MACROH2A1: variants seen among roughly 807,000 people sequenced by gnomAD.
MACROH2A1 encodes core histone macro-H2A.1.
MACROH2A1 carries 2 observed loss-of-function variants against 31.6 expected under a neutral mutation model. That is an observed-to-expected ratio of 0.06 (90% CI 0.03 to 0.20). The LOEUF is 0.20. Among genes scored for constraint, MACROH2A1 ranks in the 10% least tolerant of loss-of-function variants. MACROH2A1 has a pLI of 1.00. For missense variants in MACROH2A1, 230 were observed against 474.0 expected (o/e 0.49, Z 4.78); for synonymous variants, 169 against 189.6 (o/e 0.89, Z 0.89).
At chr5:135,353,140 A>G (rs1184103551) in intron 5 of MACROH2A1, 95 bp from the exon 6 acceptor site, 36 of 786,930 alleles carry the variant, frequency 4.6e-5, no homozygotes, top group Non-Finnish European at 7.9e-5. Context: ...TGGACACTCC[A>G]AGTGCACGAG....
At chr5:135,361,421 C>G (rs576735680) in intron 4 of MACROH2A1, 6 of 151,936 alleles carry the variant, frequency 3.9e-5, no homozygotes, top group African/African-American at 1.5e-4. Context: ...ATATGGCACA[C>G]CACTGTGGGA....
chr5:135,341,520 A>G (rs1231715336), intron 8 of MACROH2A1, among the ~76,000 whole-genome samples: 1 of 152,228 alleles, frequency 6.6e-6, no homozygotes, highest in Non-Finnish European at 1.5e-5. Flanking sequence ...AGAGCCTGGT[A>G]CTGGTGGGTC....
chr5:135,387,618 T>A (rs935999629), intron 2 of MACROH2A1, among the ~76,000 whole-genome samples: 2 of 152,132 alleles, frequency 1.3e-5, no homozygotes, highest in African/African-American at 4.8e-5. Flanking sequence ...AGTGAAAGCA[T>A]TACGACAGGA....
At chr5:135,373,633 A>G (rs1764476906) in intron 2 of MACROH2A1, among the ~76,000 whole-genome samples, 1 of 152,182 alleles carries the variant, frequency 6.6e-6, no homozygotes, top group South Asian at 2.1e-4. Flanking sequence ...GGGCAGAAGG[A>G]GGAGCATCTC....
At chr5:135,385,624 C>A (rs1766292602) in intron 2 of MACROH2A1, among the ~76,000 whole-genome samples, 1 of 152,166 alleles carries the variant, frequency 6.6e-6, no homozygotes, top group Non-Finnish European at 1.5e-5. Context: ...TGGGAAGGGG[C>A]TGGCCTGGCA....
chr5:135,386,393 T>A (rs2149944537), intron 2 of MACROH2A1, among the ~76,000 whole-genome samples: 1 of 152,366 alleles, frequency 6.6e-6, no homozygotes, highest in South Asian at 2.1e-4. Context: ...CAGTGCCGCA[T>A]GCAGGCAGAG....
At chr5:135,337,900 CT>C in intron 8 of MACROH2A1, 1 of 1,056,822 alleles carries the variant, frequency 9.5e-7, no homozygotes, top group Non-Finnish European at 1.2e-6. Flanking sequence ...CAGGACAACC[CT>C]TTGTTGACAA....
chr5:135,364,664 G>A lies in MACROH2A1; in HGVS notation c.478-4057C>T, dbSNP rs374993190. ...TCAGCTGGGAGACATTTAAGAAACT[G>A]TAGAACTGAGCATCCAGAAAGACTT... On this transcript the variant is annotated intron_variant, in intron 4 of 8. Coordinates refer to ENST00000511689, the MANE Select transcript of MACROH2A1 (RefSeq NM_138610.3). Among the ~76,000 whole-genome samples the A allele has an allele frequency of 6.8e-4, 103 of 152,274 alleles. 1 individual carries two copies. In the South Asian group the frequency reaches 0.02, roughly 30 times the overall value.
chr5:135,336,620 G>A (rs533394964), intron 8 of MACROH2A1, among the ~76,000 whole-genome samples: 2 of 147,200 alleles, frequency 1.4e-5, no homozygotes, highest in African/African-American at 5.5e-5. Context: ...GCTTCCTCCC[G>A]GGAGACCCTG....
intron 8 of MACROH2A1, among the ~76,000 whole-genome samples, chr5:135,337,273 T>C (rs865917981): frequency 3.7e-4 from 56 of 152,276 alleles, no homozygotes; most frequent in Admixed American, 1.3e-4. Context: ...CCGGGCTGCA[T>C]GCCCAGGCAG....
At chr5:135,346,446 C>T (rs1427206198) in intron 6 of MACROH2A1, 2 of 220,624 alleles carry the variant, frequency 9.1e-6, no homozygotes, top group African/African-American at 4.6e-5. Context: ...AGGTTTTCTT[C>T]TCTGTCTCTG....
intron 8 of MACROH2A1, among the ~76,000 whole-genome samples, chr5:135,336,055 T>G (rs1758599253): frequency 2.0e-5 from 3 of 152,176 alleles, no homozygotes; most frequent in African/African-American, 7.2e-5. Flanking sequence ...CATTGGCAGA[T>G]CTACAGTCAC....
intron 4 of MACROH2A1, chr5:135,360,810 C>T: frequency 1.4e-6 from 1 of 691,072 alleles, no homozygotes; most frequent in East Asian, 2.8e-5. Flanking sequence ...ATATGTTAAT[C>T]ACTTTATGAT....
Position 135,369,439 on chromosome 5 carries a change from T to A in MACROH2A1, c.444A>T (p.Lys148Asn). The A allele has an allele frequency of 1.2e-6, 2 of 1,614,166 alleles. No homozygotes were observed. Among genetic ancestry groups the A allele is most frequent in the Non-Finnish European group, 1.7e-6 (2 of 1,179,964 alleles). Residue 148 changes from lysine (K) to asparagine (N), a missense_variant, in exon 4 of 9, where the codon AAA (lysine) becomes AAT (asparagine). Coordinates refer to ENST00000511689, the MANE Select transcript of MACROH2A1 (RefSeq NM_138610.3). The surrounding 1 kb of genome is among the most constrained non-coding windows in gnomAD (Gnocchi z 4.3). ...SPSQKKPVSK[K>N]AGGKKGARKS... ...TCCGGGCCCCTTTCTTGCCTCCTGCTTTTTTAGATACAGGCTTCTTCTGGG... is the reference window on the plus strand; with the variant it reads ...TCCGGGCCCCTTTCTTGCCTCCTGCATTTTTAGATACAGGCTTCTTCTGGG...
At chr5:135,379,646 C>G (rs1482738983) in intron 2 of MACROH2A1, among the ~76,000 whole-genome samples, 1 of 152,150 alleles carries the variant, frequency 6.6e-6, no homozygotes, top group African/African-American at 2.4e-5. Flanking sequence ...AGCAGAAACA[C>G]TGTAAATATG....
chr5:135,377,239 C>T (rs1175882789), intron 2 of MACROH2A1, among the ~76,000 whole-genome samples: 1 of 152,236 alleles, frequency 6.6e-6, no homozygotes, highest in East Asian at 1.9e-4. Flanking sequence ...ACCTGTTCTA[C>T]TCCAAGGCCT....
intron 6 of MACROH2A1, chr5:135,346,309 T>A: frequency 4.0e-6 from 2 of 497,564 alleles, no homozygotes; most frequent in African/African-American, 1.9e-5. Flanking sequence ...CTCAGGGTGA[T>A]CATGGATGTG....
chr5:135,358,486 GT>G, intron 5 of MACROH2A1: 1 of 985,322 alleles, frequency 1.0e-6, no homozygotes, highest in Non-Finnish European at 1.2e-6. Flanking sequence ...CTGGTGTTTT[GT>G]TTTCACCACT....
Position 135,369,296 on chromosome 5 carries a change from C to G in MACROH2A1, c.477+110G>C. ...AGCTCCTACATGTTCCTCCTTTATTCTCCCATCAGTGGGATGAGCCCACAG... is the reference window on the plus strand; with the variant it reads ...AGCTCCTACATGTTCCTCCTTTATTGTCCCATCAGTGGGATGAGCCCACAG... On this transcript the variant is annotated intron_variant, in intron 4 of 8. Transcript: ENST00000511689. This position sits in a 1 kb window ranked among gnomAD's most constrained non-coding sequence, Gnocchi z 4.3. 1.2e-6 allele frequency: 1 copy of G among 867,740 alleles called. No individual in the cohort carries two copies. Among genetic ancestry groups the G allele is most frequent in the Non-Finnish European group, 1.9e-6 (1 of 525,164 alleles). 53.8% of individuals were successfully genotyped at this position (867,740 alleles called of 1,614,324 possible). A position where few individuals can be genotyped will look rare whatever the true frequency, so the allele number is the denominator to read the frequency against.
Sources: allele counts gnomAD v4.1 joint callset (sites outside exome capture counted in the v4.1 genomes callset), GRCh38; gene constraint gnomAD v4.1.1; non-coding constraint Gnocchi (gnomAD v3.1); transcripts MANE v1.5; gene names NCBI Gene and HGNC (gene_info 2026-07-23, HGNC 2026-07-21).